The following TEX12 variants were observed in gnomAD, a reference collection of about 807,000 sequenced individuals.
TEX12 encodes the protein testis-expressed protein 12.
Under a neutral mutation model 14.6 loss-of-function variants are expected in TEX12, and 7 were observed. That is an observed-to-expected ratio of 0.48 (90% CI 0.27 to 0.90). The LOEUF (loss-of-function observed/expected upper bound fraction) is 0.90. Among genes scored for constraint, TEX12 ranks in the 40% least tolerant of loss-of-function variants. The pLI is 0.12. For missense variants in TEX12, 121 were observed against 135.7 expected (o/e 0.89, Z 0.54); for synonymous variants, 57 against 49.1 (o/e 1.16, Z -0.67).
chr11:112,169,442 G>A (rs923726728), intron 2 of TEX12, 111 bp downstream of exon 2: 7 of 805,388 alleles, frequency 8.7e-6, no homozygotes, highest in African/African-American at 8.5e-5. Context: ...GTATTCGTAT[G>A]CCCAGAGCTA....
chr11:112,167,764 C>T (rs1373063757), intron 1 of TEX12, among the ~76,000 whole-genome samples: 1 of 152,114 alleles, frequency 6.6e-6, no homozygotes, highest in Non-Finnish European at 1.5e-5. Flanking sequence ...TCCACCAGGC[C>T]TGGATCTGCT....
chr11:112,171,857 CA>C lies in TEX12; in HGVS notation c.319del (p.Arg107GlufsTer10). ...EANAIENFLI[Q>X]KREFLRQRFT... ...CAATGCTATTGAAAACTTTCTAATA[CA>C]AAAAAGAGAGTTCCTGCGACAGAGG... On this transcript the variant is annotated frameshift_variant, in exon 5 of 5. Coordinates refer to ENST00000280358, the MANE Select transcript of TEX12 (RefSeq NM_031275.4). LOFTEE classifies it high-confidence loss of function. 6.3e-7 allele frequency: 1 copy of C among 1,596,628 alleles called. No individual in the cohort carries two copies. The highest frequency in any genetic ancestry group is 1.1e-5 in the South Asian group (1 of 87,904).
chr11:112,169,940 G>A (rs1866771458), intron 2 of TEX12, among the ~76,000 whole-genome samples: 1 of 152,204 alleles, frequency 6.6e-6, no homozygotes, highest in South Asian at 2.1e-4. Flanking sequence ...GGAGGCTGAG[G>A]CAGGAGTATC....
At chr11:112,170,987 A>G (rs913699784) in intron 4 of TEX12, among the ~76,000 whole-genome samples, 2 of 152,108 alleles carry the variant, frequency 1.3e-5, no homozygotes, top group Non-Finnish European at 2.9e-5. Context: ...TGTTTGATGA[A>G]ATTAATGATA....
At chr11:112,167,763 C>A (rs1866744454) in intron 1 of TEX12, among the ~76,000 whole-genome samples, 1 of 152,078 alleles carries the variant, frequency 6.6e-6, no homozygotes, top group Non-Finnish European at 1.5e-5. Context: ...GTCCACCAGG[C>A]CTGGATCTGC....
chr11:112,170,354 A>C, intron 2 of TEX12, 65 bp from the exon 3 acceptor site: 2 of 1,118,218 alleles, frequency 1.8e-6, no homozygotes, highest in Non-Finnish European at 2.6e-6. Flanking sequence ...TTTCTTAATA[A>C]ACAAAATGTA....
intron 2 of TEX12, among the ~76,000 whole-genome samples, chr11:112,169,875 A>G (rs533441890): frequency 1.3e-5 from 2 of 152,320 alleles, no homozygotes; most frequent in Admixed American, 1.3e-4. Context: ...AACCACATTT[A>G]AAGTCTAATT....
chr11:112,167,610 T>A (rs1347624435), intron 1 of TEX12, 123 bp downstream of exon 1: 5 of 152,148 alleles, frequency 3.3e-5, no homozygotes, highest in African/African-American at 9.7e-5. Flanking sequence ...GGGGCTAGGA[T>A]CGCGTTGAGA....
chr11:112,172,514 T>C lies in TEX12; in HGVS notation c.*598T>C, dbSNP rs1866804097. The C allele has an allele frequency of 2.0e-5, 3 of 152,192 alleles. No homozygotes were observed. The highest frequency in any genetic ancestry group is 2.0e-4 in the Admixed American group (3 of 15,280). The allele number at this position is 152,192 out of a possible 1,614,324, so 9.4% of individuals were successfully genotyped here. A position where few individuals can be genotyped will look rare whatever the true frequency, so the allele number is the denominator to read the frequency against. On this transcript the variant is annotated 3_prime_UTR_variant, in exon 5 of 5. Coordinates refer to ENST00000280358, the MANE Select transcript of TEX12 (RefSeq NM_031275.4). ...AAGCTCTCGGCTTAAAATTATTTTC[T>C]TGTGGTAAAAGTAGTAAAATAAAAA...
At position 112,170,538 on chromosome 11, in the gene TEX12, A is replaced by G. The variant is rs2135334822; in HGVS notation, c.175+8A>G. 4 of 1,593,822 alleles carry G rather than the reference A, an allele frequency of 2.5e-6. No individual in the cohort carries two copies. Among genetic ancestry groups the G allele is most frequent in the African/African-American group, 2.7e-5 (2 of 74,532 alleles). On this transcript the variant is annotated splice_region_variant and intron_variant, in intron 3 of 4. Transcript: ENST00000280358. ...TGGAGAAAGATTTAAATGGTGATGT[A>G]TAAAATGTTTATATTTCTAAACATC...
intron 1 of TEX12, among the ~76,000 whole-genome samples, chr11:112,168,890 A>G (rs1389443754): frequency 2.0e-5 from 3 of 152,338 alleles, no homozygotes; most frequent in Middle Eastern, 3.4e-3. Flanking sequence ...TCCTGAAACA[A>G]GGCAGAATTG....
intron 2 of TEX12, among the ~76,000 whole-genome samples, chr11:112,169,914 T>C (rs1467435642): frequency 6.6e-6 from 1 of 152,232 alleles, no homozygotes; most frequent in East Asian, 1.9e-4. Flanking sequence ...CTCATGTCTG[T>C]AATCCTAGTG....
rs777306411 is a variant in TEX12, at chr11:112,170,400, C to A, written c.64-19C>A. On this transcript the variant is annotated intron_variant, in intron 2 of 4. Coordinates refer to ENST00000280358, the MANE Select transcript of TEX12 (RefSeq NM_031275.4). ...AGATCTTATTGACTGTACCTGTTTT[C>A]TTTATTTTGTCCTGTTAGTCTCCAG... is the stretch of plus-strand genomic sequence containing the variant. The A allele has an allele frequency of 1.4e-6, 2 of 1,454,966 alleles. No individual in the cohort carries two copies. Among genetic ancestry groups the A allele is most frequent in the South Asian group, 2.5e-5 (2 of 81,546 alleles). The allele number at this position is 1,454,966 out of a possible 1,614,324, so 90.1% of individuals were successfully genotyped here. A position where few individuals can be genotyped will look rare whatever the true frequency, so the allele number is the denominator to read the frequency against.
rs979883289 is a variant in TEX12 at position 112,172,388 on chromosome 11, C to T, written c.*472C>T. 6.6e-6 allele frequency: 1 copy of T among 151,736 alleles called. No individual in the cohort carries two copies. The highest frequency in any genetic ancestry group is 6.6e-5 in the Admixed American group (1 of 15,252). The allele number at this position is 151,736 out of a possible 1,614,324, so 9.4% of individuals were successfully genotyped here. A position where few individuals can be genotyped will look rare whatever the true frequency, so the allele number is the denominator to read the frequency against. ...TCAGGATTATAAAAGAAGATTAAAA[C>T]CTTAGAGGTGATTTTTCCAGTTTCT... On this transcript the variant is annotated 3_prime_UTR_variant, in exon 5 of 5. Coordinates refer to ENST00000280358, the MANE Select transcript of TEX12 (RefSeq NM_031275.4).
Position 112,171,756 on chromosome 11 carries a change from C to CT in TEX12, c.228-9dup. ...TATATCTACTTAGTTTAATATACAA[C>CT]TTTTTTTCCTATTAGTGAGAGAGCA... On this transcript the variant is annotated splice_polypyrimidine_tract_variant and intron_variant, in intron 4 of 4. Coordinates refer to ENST00000280358, the MANE Select transcript of TEX12 (RefSeq NM_031275.4). 3 of 1,472,788 alleles carry CT rather than the reference C, an allele frequency of 2.0e-6. No individual in the cohort carries two copies. Among genetic ancestry groups the CT allele is most frequent in the Non-Finnish European group, 1.8e-6 (2 of 1,107,110 alleles). 91.2% of individuals were successfully genotyped at this position (1,472,788 alleles called of 1,614,324 possible). A position where few individuals can be genotyped will look rare whatever the true frequency, so the allele number is the denominator to read the frequency against.
chr11:112,168,680 T>G (rs562014112), intron 1 of TEX12, among the ~76,000 whole-genome samples: 7 of 152,048 alleles, frequency 4.6e-5, no homozygotes, highest in Non-Finnish European at 8.8e-5. Flanking sequence ...GCTTCCCAAG[T>G]AGCTGGGATT....
In TEX12 at chr11:112,171,771, G is replaced by C. The variant is rs772368874; in HGVS notation, c.228-1G>C. ...TAATATACAACTTTTTTTCCTATTA[G>C]TGAGAGAGCAGCAGTAGATGCATCT... On this transcript the variant is annotated splice_acceptor_variant, in intron 4 of 4. Coordinates refer to ENST00000280358, the MANE Select transcript of TEX12 (RefSeq NM_031275.4). LOFTEE classifies it high-confidence loss of function. The C allele has an allele frequency of 7.8e-6, 12 of 1,528,756 alleles. No homozygotes were observed. The highest frequency in any genetic ancestry group is 1.4e-5 in the African/African-American group (1 of 70,724). The allele number at this position is 1,528,756 out of a possible 1,614,324, so 94.7% of individuals were successfully genotyped here.
intron 2 of TEX12, among the ~76,000 whole-genome samples, 181 bp from the exon 3 acceptor site, chr11:112,170,238 A>C (rs535295958): frequency 6.6e-6 from 1 of 152,338 alleles, no homozygotes; most frequent in East Asian, 1.9e-4. Flanking sequence ...ATATTGAGCA[A>C]GGTGTTTCTT....
rs758617312 is a variant in TEX12 at position 112,169,287 on chromosome 11, G to T, written c.19G>T (p.Val7Leu). 5 of 1,613,840 alleles carry T rather than the reference G, an allele frequency of 3.1e-6. No homozygotes were observed. Among genetic ancestry groups the T allele is most frequent in the Admixed American group, 1.7e-5 (1 of 60,008 alleles). Residue 7 changes from valine to leucine, a missense_variant, in exon 2 of 5, where the codon GTA (valine) becomes TTA (leucine). Transcript: ENST00000280358. The stretch of plus-strand genomic sequence containing the variant: ...TCGGAATATGATGGCAAATCACCTT[G>T]TAAAGCCTGATAATAGAAATTGCAA... MMANHLVKPDNRNCKRP... is the reference protein window; with the variant it reads MMANHLLKPDNRNCKRP...
Sources: allele counts gnomAD v4.1 joint callset (sites outside exome capture counted in the v4.1 genomes callset), GRCh38; gene constraint gnomAD v4.1.1; transcripts MANE v1.5; gene names NCBI Gene and HGNC (gene_info 2026-07-23, HGNC 2026-07-21).